Variants in ZNF678 observed in about 807,000 individuals in gnomAD.
ZNF678 encodes hypothetical protein MGC42493.
ZNF678 carries 5 observed loss-of-function variants against 3.0 expected under a neutral mutation model. The ratio of observed to expected loss-of-function variants is 1.69; its 90% confidence interval spans 0.88 to 3.56. The LOEUF (loss-of-function observed/expected upper bound fraction) is 3.56. Ranked by LOEUF, ZNF678 falls within the 30% of genes most tolerant of loss-of-function variation. The pLI is 0.00. For synonymous variants in ZNF678, 218 were observed against 199.6 expected (o/e 1.09, Z -0.78); for missense variants, 593 against 605.0 (o/e 0.98, Z 0.21).
chr1:227,620,950 T>C (rs2102769893), intron 1 of ZNF678, among the ~76,000 whole-genome samples: 1 of 152,300 alleles, frequency 6.6e-6, no homozygotes, highest in East Asian at 1.9e-4. Context: ...TAGATCACAT[T>C]ACTCAGATTA....
intron 1 of ZNF678, among the ~76,000 whole-genome samples, chr1:227,586,528 G>A (rs73092610): frequency 0.017 from 2,539 of 152,210 alleles, 60 homozygotes; most frequent in South Asian, 0.057. Context: ...GGGCTTTAAC[G>A]GAGCACTTGA....
intron 1 of ZNF678, among the ~76,000 whole-genome samples, chr1:227,577,399 C>A (rs1360012010): frequency 6.6e-6 from 1 of 152,152 alleles, no homozygotes; most frequent in Non-Finnish European, 1.5e-5. Context: ...TAAGAACTTG[C>A]TTTATGAATC....
intron 1 of ZNF678, among the ~76,000 whole-genome samples, chr1:227,582,312 T>C (rs1012623919): frequency 4.6e-5 from 7 of 152,030 alleles, no homozygotes; most frequent in Admixed American, 3.9e-4. Context: ...TTTGTTATTA[T>C]ATATGTATAT....
At chr1:227,676,886 G>T (rs938701752) in intron 5 of ZNF678, among the ~76,000 whole-genome samples, 1 of 152,090 alleles carries the variant, frequency 6.6e-6, no homozygotes, top group Admixed American at 6.6e-5. Flanking sequence ...ATTCCATGGT[G>T]TATATGTGCC....
chr1:227,651,407 G>A (rs1388064055), intron 3 of ZNF678, among the ~76,000 whole-genome samples: 1 of 152,146 alleles, frequency 6.6e-6, no homozygotes, highest in Non-Finnish European at 1.5e-5. Context: ...TAGCTTAAAG[G>A]TCTAGAACTG....
rs1659297186 is a variant in ZNF678 at position 227,658,098 on chromosome 1, T to TTTTATTTA, written c.*2271_*2278dup. ...ATTCTACAATATGTGTGTTACTACA[T>TTTTATTTA]TTTATTTAATTAGTATATTTTATTT... On this transcript the variant is annotated 3_prime_UTR_variant, in exon 4 of 4. Transcript: ENST00000343776. 1 of 152,100 alleles carries TTTTATTTA rather than the reference T, an allele frequency of 6.6e-6. No homozygotes were observed. The highest frequency in any genetic ancestry group is 2.1e-4 in the South Asian group (1 of 4,836). The allele number at this position is 152,100 out of a possible 1,614,324, so 9.4% of individuals were successfully genotyped here. A position where few individuals can be genotyped will look rare whatever the true frequency, so the allele number is the denominator to read the frequency against.
intron 2 of ZNF678, among the ~76,000 whole-genome samples, chr1:227,650,090 C>G (rs1659053313): frequency 6.6e-6 from 1 of 152,122 alleles, no homozygotes; most frequent in South Asian, 2.1e-4. Flanking sequence ...ATCATTACCA[C>G]AACCATATCA....
chr1:227,654,949 A>C lies in ZNF678; in HGVS notation c.699A>C (p.Gly233=), dbSNP rs1237079582. The C allele has an allele frequency of 6.2e-7, 1 of 1,612,694 alleles. No homozygotes were observed. Among genetic ancestry groups the C allele is most frequent in the South Asian group, 1.1e-5 (1 of 91,016 alleles). The part of the protein sequence containing the change: ...NLTQHKRIHT[G]EKPYKCKECC... ...CACAACATAAGAGAATTCATACTGG[A>C]GAGAAACCCTACAAATGCAAAGAAT... Residue 233 remains glycine, a synonymous_variant, in exon 4 of 4, where the codon GGA becomes GGC. Coordinates refer to ENST00000343776, the MANE Select transcript of ZNF678 (RefSeq NM_001367909.1).
chr1:227,646,342 T>A (rs886877870), intron 1 of ZNF678, among the ~76,000 whole-genome samples: 1 of 152,218 alleles, frequency 6.6e-6, no homozygotes, highest in African/African-American at 2.4e-5. Flanking sequence ...AAATATAGCA[T>A]CTACACTGGT....
intron 1 of ZNF678, among the ~76,000 whole-genome samples, chr1:227,614,706 G>A (rs746169943): frequency 6.6e-6 from 1 of 152,176 alleles, no homozygotes; most frequent in Non-Finnish European, 1.5e-5. Flanking sequence ...AGTCTGCAAG[G>A]TGCTGCCTCA....
chr1:227,565,060 T>C (rs1656637645), intron 1 of ZNF678, among the ~76,000 whole-genome samples: 8 of 131,922 alleles, frequency 6.1e-5, no homozygotes, highest in Admixed American at 7.6e-5. Context: ...CCGGCTTTTT[T>C]TTTTTTTTTT....
intron 1 of ZNF678, among the ~76,000 whole-genome samples, chr1:227,644,876 A>G (rs1658916431): frequency 6.6e-6 from 1 of 152,132 alleles, no homozygotes; most frequent in African/African-American, 2.4e-5. Context: ...TTAGTACCCC[A>G]TGTGATCCTA....
At chr1:227,587,094 G>C (rs575116536) in intron 1 of ZNF678, among the ~76,000 whole-genome samples, 3 of 152,110 alleles carry the variant, frequency 2.0e-5, no homozygotes, top group Non-Finnish European at 4.4e-5. Context: ...AAAGAGTTCT[G>C]CTCCTAGTTT....
At chr1:227,649,488 T>TA (rs1659040718) in intron 2 of ZNF678, among the ~76,000 whole-genome samples, 2 of 152,114 alleles carry the variant, frequency 1.3e-5, no homozygotes, top group Non-Finnish European at 2.9e-5. Context: ...GTAGCCAAGA[T>TA]TACAGGCATG....
At chr1:227,601,597 C>G (rs1657740576) in intron 1 of ZNF678, among the ~76,000 whole-genome samples, 1 of 151,586 alleles carries the variant, frequency 6.6e-6, no homozygotes. Flanking sequence ...CGGAGTCTCA[C>G]TCTGCTGGCC....
At chr1:227,610,245 C>T (rs138457332) in intron 1 of ZNF678, among the ~76,000 whole-genome samples, 34 of 152,290 alleles carry the variant, frequency 2.2e-4, no homozygotes, top group Admixed American at 1.5e-3. Context: ...CAGCCCCTAT[C>T]ATCACTAAGT....
rs141846964 is a variant in ZNF678, at chr1:227,609,955, G to C, written c.-163-36589G>C. On this transcript the variant is annotated intron_variant, in intron 1 of 3. Transcript: ENST00000343776. ...TCACCTTGTTAGCCAGGATGGTCTC[G>C]ATTTCCTGACCTCGTGATCTGCCCG... Among the ~76,000 whole-genome samples the C allele has an allele frequency of 2.7e-3, 407 of 152,160 alleles. 2 individuals carry two copies. The highest frequency in any genetic ancestry group is 9.5e-3 in the African/African-American group (393 of 41,510).
intron 1 of ZNF678, among the ~76,000 whole-genome samples, chr1:227,625,644 G>T (rs1034944652): frequency 3.9e-5 from 6 of 152,180 alleles, no homozygotes; most frequent in African/African-American, 1.4e-4. Context: ...GCTTCATGGA[G>T]CCCAGTGAGG....
At chr1:227,622,435 C>T (rs1009526114) in intron 1 of ZNF678, among the ~76,000 whole-genome samples, 5 of 152,206 alleles carry the variant, frequency 3.3e-5, no homozygotes, top group African/African-American at 1.2e-4. Flanking sequence ...AACCAAGCTG[C>T]ATCCCAACCA....
Sources: allele counts gnomAD v4.1 joint callset (sites outside exome capture counted in the v4.1 genomes callset), GRCh38; gene constraint gnomAD v4.1.1; transcripts MANE v1.5; gene names NCBI Gene and HGNC (gene_info 2026-07-23, HGNC 2026-07-21).